The following FAM240C variants were observed in gnomAD, a reference collection of about 807,000 sequenced individuals.
The protein encoded by FAM240C is family with sequence similarity 240 member C, also known as protein FAM240C.
In FAM240C, 14 loss-of-function variants were observed where a neutral mutation model predicts 10.0. The observed-to-expected ratio is 1.40, with a 90% confidence interval of 0.92 to 2.19. FAM240C has a LOEUF of 2.19. Among genes scored for constraint, FAM240C ranks in the 30% most tolerant of loss-of-function variants. FAM240C has a pLI of 0.00. For missense variants in FAM240C, 154 were observed against 122.3 expected (o/e 1.26, Z -1.22); for synonymous variants, 49 against 44.3 (o/e 1.11, Z -0.42).
intron 2 of FAM240C, 58 bp downstream of exon 2, chr2:241,897,127 TG>T: frequency 1.3e-6 from 2 of 1,529,438 alleles, no homozygotes; most frequent in Middle Eastern, 3.8e-4. Context: ...GCTGTGCCCC[TG>T]GGTGGCGAGC....
rs548356089 is a variant in FAM240C at position 241,900,105 on chromosome 2, A to T, written c.12+253T>A. On this transcript the variant is annotated intron_variant, in intron 1 of 2. Coordinates refer to ENST00000404031, the MANE Select transcript of FAM240C (RefSeq NM_001382368.1). The surrounding 1 kb of genome is among the most constrained non-coding windows in gnomAD (Gnocchi z 4.5). ...ACAGCAACAAAACAAAACAACAATG[A>T]CAACAACAGACACACAAAGGGGTGC... Among the ~76,000 whole-genome samples, 2 of 152,232 alleles carry T rather than the reference A, an allele frequency of 1.3e-5. No individual in the cohort carries two copies. The highest frequency in any genetic ancestry group is 4.2e-4 in the South Asian group (2 of 4,808).
intron 2 of FAM240C, among the ~76,000 whole-genome samples, chr2:241,895,376 A>G (rs1701772141): frequency 6.6e-6 from 1 of 152,222 alleles, no homozygotes; most frequent in Non-Finnish European, 1.5e-5. Context: ...CTGCCAGGAC[A>G]GCCAGCCCCA....
At chr2:241,896,998 C>G (rs898118535) in intron 2 of FAM240C, among the ~76,000 whole-genome samples, 188 bp downstream of exon 2, 4 of 151,894 alleles carry the variant, frequency 2.6e-5, no homozygotes, top group Admixed American at 6.6e-5. Flanking sequence ...AGCGTGATCA[C>G]TAAGGTGAGT....
At chr2:241,900,631 A>G (rs112006482), upstream of FAM240C, among the ~76,000 whole-genome samples, 2,927 of 152,098 alleles carry the variant, frequency 0.019, 108 homozygotes, top group African/African-American at 0.068. The surrounding 1 kb of genome is among the most constrained non-coding windows in gnomAD (Gnocchi z 4.5). Context: ...CTCAGCCCCC[A>G]TCGGGACTGT....
intron 1 of FAM240C, among the ~76,000 whole-genome samples, chr2:241,899,940 G>A (rs554016664): frequency 4.6e-5 from 7 of 152,246 alleles, no homozygotes; most frequent in South Asian, 2.1e-4. Context: ...CGTGGTGGGC[G>A]CCTGTAGTCC....
At chr2:241,896,031 C>T (rs1185430141) in intron 2 of FAM240C, among the ~76,000 whole-genome samples, 1 of 152,126 alleles carries the variant, frequency 6.6e-6, no homozygotes, top group Non-Finnish European at 1.5e-5. Context: ...GTGCTGGGTC[C>T]ATGTCCGTAG....
upstream of FAM240C, among the ~76,000 whole-genome samples, chr2:241,901,839 G>T (rs1393713313): frequency 6.6e-6 from 1 of 152,196 alleles, no homozygotes; most frequent in Non-Finnish European, 1.5e-5. This position sits in a 1 kb window ranked among gnomAD's most constrained non-coding sequence, Gnocchi z 4.9. Context: ...GGTCCTATGC[G>T]CGAGCGCCCC....
upstream of FAM240C, chr2:241,902,495 A>G (rs1228143570): frequency 6.5e-6 from 1 of 153,002 alleles, no homozygotes; most frequent in Non-Finnish European, 1.5e-5. This position sits in a 1 kb window ranked among gnomAD's most constrained non-coding sequence, Gnocchi z 7.1. Flanking sequence ...GCGCCCCTGT[A>G]CCTGGGCTCT....
intron 2 of FAM240C, 103 bp from the exon 3 acceptor site, chr2:241,894,442 T>C: frequency 7.6e-7 from 1 of 1,312,234 alleles, no homozygotes; most frequent in Admixed American, 2.3e-5. Flanking sequence ...AGAGCAGGAG[T>C]ATGACACTCC....
chr2:241,896,486 AAGGGGGTGTGGGTG>A (rs1701807422), intron 2 of FAM240C, among the ~76,000 whole-genome samples: 15 of 34,706 alleles, frequency 4.3e-4, no homozygotes, highest in South Asian at 3.5e-3. Context: ...ATGGCGGGGG[AAGGGGGTGTGGGTG>A]AAGGGGGTGT....
At chr2:241,901,130 C>T (rs1208863300), upstream of FAM240C, among the ~76,000 whole-genome samples, 2 of 152,184 alleles carry the variant, frequency 1.3e-5, no homozygotes, top group Non-Finnish European at 2.9e-5. This position sits in a 1 kb window ranked among gnomAD's most constrained non-coding sequence, Gnocchi z 4.9. Context: ...GATTGGATGA[C>T]GCCCAGCACA....
intron 2 of FAM240C, among the ~76,000 whole-genome samples, chr2:241,895,938 G>T (rs1287031891): frequency 1.4e-5 from 2 of 144,452 alleles, no homozygotes; most frequent in Non-Finnish European, 3.0e-5. Flanking sequence ...GATGAGGCAG[G>T]GCCCGTGGGG....
chr2:241,897,527 A>C (rs1226324889), intron 1 of FAM240C, among the ~76,000 whole-genome samples, 193 bp from the exon 2 acceptor site: 1 of 152,062 alleles, frequency 6.6e-6, no homozygotes, highest in East Asian at 1.9e-4. Flanking sequence ...ACCGGCTCCT[A>C]AACGCTCTAC....
chr2:241,896,477 T>G (rs1701806663), intron 2 of FAM240C, among the ~76,000 whole-genome samples: 2 of 85,696 alleles, frequency 2.3e-5, no homozygotes, highest in South Asian at 5.2e-4. Context: ...GTCAGGGAGA[T>G]GGCGGGGGAA....
intron 1 of FAM240C, among the ~76,000 whole-genome samples, chr2:241,898,416 G>A (rs1463620367): frequency 6.6e-6 from 1 of 152,196 alleles, no homozygotes; most frequent in African/African-American, 2.4e-5. Context: ...GCCGGGATTG[G>A]TGGTGGGTGC....
At chr2:241,899,026 TG>T in intron 1 of FAM240C, 1 of 900,502 alleles carries the variant, frequency 1.1e-6, no homozygotes, top group Non-Finnish European at 1.6e-6. Context: ...TCTCTCTTGC[TG>T]GGGAAGAACA....
At position 241,894,036 on chromosome 2, in the gene FAM240C, C is replaced by T. The variant is rs2124913796; in HGVS notation, c.*177G>A. 3.3e-6 allele frequency: 2 copies of T among 609,950 alleles called. No homozygotes were observed. Among genetic ancestry groups the T allele is most frequent in the Non-Finnish European group, 5.4e-6 (2 of 369,314 alleles). 37.8% of individuals were successfully genotyped at this position (609,950 alleles called of 1,614,324 possible). A position where few individuals can be genotyped will look rare whatever the true frequency, so the allele number is the denominator to read the frequency against. ...GGCACCAGAGATGCGCTAGAGAACC[C>T]TGGGACTCTGCTGCAGCGTGGACCC... On this transcript the variant is annotated 3_prime_UTR_variant, in exon 3 of 3. Transcript: ENST00000404031.
rs28593682 is a variant in FAM240C, at chr2:241,900,078, C to A, written c.12+280G>T. Among the ~76,000 whole-genome samples the A allele has an allele frequency of 0.015, 2,333 of 152,184 alleles. 60 individuals carry two copies. Among genetic ancestry groups the A allele is most frequent in the African/African-American group, 0.053 (2,209 of 41,510 alleles). On this transcript the variant is annotated intron_variant, in intron 1 of 2. Coordinates refer to ENST00000404031, the MANE Select transcript of FAM240C (RefSeq NM_001382368.1). This position sits in a 1 kb window ranked among gnomAD's most constrained non-coding sequence, Gnocchi z 4.5. Reference sequence around the variant, plus strand: ...CGAGACTCCATCTCATAAACAACAACAACAGCAACAAAACAAAACAACAAT... The same window carrying A: ...CGAGACTCCATCTCATAAACAACAAAAACAGCAACAAAACAAAACAACAAT...
At chr2:241,899,198 G>A (rs1297517226) in intron 1 of FAM240C, 1 of 1,304,002 alleles carries the variant, frequency 7.7e-7, no homozygotes, top group African/African-American at 1.5e-5. Context: ...CCTTCGAGGA[G>A]CTTGATGTGA....
Sources: allele counts gnomAD v4.1 joint callset (sites outside exome capture counted in the v4.1 genomes callset), GRCh38; gene constraint gnomAD v4.1.1; non-coding constraint Gnocchi (gnomAD v3.1); transcripts MANE v1.5; gene names NCBI Gene and HGNC (gene_info 2026-07-23, HGNC 2026-07-21).